SPOCK3: variants seen among roughly 807,000 people sequenced by gnomAD.
SPOCK3 encodes SPARC (osteonectin), cwcv and kazal like domains proteoglycan 3, also known as testican-3.
Under a neutral mutation model 56.6 loss-of-function variants are expected in SPOCK3, and 30 were observed. That is an observed-to-expected ratio of 0.53 (90% CI 0.40 to 0.72). The LOEUF (loss-of-function observed/expected upper bound fraction) is 0.72, where lower values mean the gene tolerates loss of function less well. Among genes scored for constraint, SPOCK3 ranks in the 30% least tolerant of loss-of-function variants. The pLI, the probability that SPOCK3 is intolerant of heterozygous loss-of-function variation, is 0.00. For missense variants in SPOCK3, 527 were observed against 530.0 expected (o/e 0.99, Z 0.06); for synonymous variants, 196 against 183.3 (o/e 1.07, Z -0.56).
intron 10 of SPOCK3, 56 bp downstream of exon 10, chr4:166,737,411 T>G (rs1734322139): frequency 6.5e-7 from 1 of 1,547,086 alleles, no homozygotes; most frequent in African/African-American, 1.4e-5. Context: ...AATGAGGCTC[T>G]AAAGCACTTA....
chr4:167,112,421 A>G, intron 2 of SPOCK3, among the ~76,000 whole-genome samples: 1 of 152,052 alleles, frequency 6.6e-6, no homozygotes. Context: ...GGTTTAAGGG[A>G]TTTTGTCAGG....
chr4:166,950,682 G>C (rs1447231666), intron 4 of SPOCK3, among the ~76,000 whole-genome samples: 2 of 148,900 alleles, frequency 1.3e-5, no homozygotes, highest in South Asian at 2.1e-4. Flanking sequence ...CACATACTTG[G>C]AAGTAAAGCT....
intron 2 of SPOCK3, among the ~76,000 whole-genome samples, chr4:167,149,884 G>T (rs1191268816): frequency 6.6e-6 from 1 of 151,302 alleles, no homozygotes; most frequent in Non-Finnish European, 1.5e-5. Flanking sequence ...AAGTATAGAT[G>T]CAGAGATGTG....
intron 4 of SPOCK3, among the ~76,000 whole-genome samples, chr4:166,944,780 G>A (rs1741518918): frequency 6.6e-6 from 1 of 151,784 alleles, no homozygotes; most frequent in South Asian, 2.1e-4. Context: ...CTAGATTATG[G>A]TGGTATCTTC....
chr4:166,800,183 G>GAAA lies in SPOCK3; in HGVS notation c.590-7897_590-7895dup, dbSNP rs367811359. Among the ~76,000 whole-genome samples the GAAA allele has an allele frequency of 3.8e-3, 197 of 51,762 alleles. 14 individuals are homozygous for GAAA. The highest frequency in any genetic ancestry group is 0.014 in the African/African-American group (183 of 12,652). The allele number at this position is 51,762 out of a possible 152,430, so 34.0% of individuals were successfully genotyped here. On this transcript the variant is annotated intron_variant, in intron 6 of 10. Coordinates refer to ENST00000357545, the MANE Select transcript of SPOCK3 (RefSeq NM_001040159.2). The stretch of plus-strand genomic sequence containing the variant: ...GGCGACAGAGAGAGACTCCATCTCA[G>GAAA]AAAAAAAAAAAAAAAAAAAAAAATG...
chr4:166,888,245 CCA>C (rs1734409019), intron 6 of SPOCK3, among the ~76,000 whole-genome samples: 1 of 151,978 alleles, frequency 6.6e-6, no homozygotes, highest in South Asian at 2.1e-4. Flanking sequence ...ATTTGCATAT[CCA>C]TTCTTCACAT....
At chr4:166,841,807 T>C (rs1180955359) in intron 6 of SPOCK3, among the ~76,000 whole-genome samples, 2 of 152,234 alleles carry the variant, frequency 1.3e-5, no homozygotes, top group Non-Finnish European at 2.9e-5. Flanking sequence ...CATCAGTGAC[T>C]ATGATGAAAT....
intron 6 of SPOCK3, among the ~76,000 whole-genome samples, chr4:166,813,516 T>C (rs536951162): frequency 6.6e-6 from 1 of 151,964 alleles, no homozygotes; most frequent in Non-Finnish European, 1.5e-5. Flanking sequence ...CAGTGAGGAA[T>C]TATTATCAGA....
intron 2 of SPOCK3, among the ~76,000 whole-genome samples, chr4:167,172,941 A>T (rs1179627246): frequency 6.6e-6 from 1 of 152,186 alleles, no homozygotes; most frequent in Non-Finnish European, 1.5e-5. Flanking sequence ...TAGAAAATTG[A>T]TCACAGAAAT....
At chr4:166,770,795 G>A (rs894513259) in intron 7 of SPOCK3, among the ~76,000 whole-genome samples, 1 of 151,986 alleles carries the variant, frequency 6.6e-6, no homozygotes, top group South Asian at 2.1e-4. Context: ...TAGATATAAA[G>A]ATACAGACTG....
intron 3 of SPOCK3, among the ~76,000 whole-genome samples, chr4:167,017,735 TGA>T (rs1243780154): frequency 6.6e-6 from 1 of 152,106 alleles, no homozygotes; most frequent in African/African-American, 2.4e-5. Context: ...TGTGTGTGTG[TGA>T]GTGTGTGTAT....
intron 6 of SPOCK3, among the ~76,000 whole-genome samples, chr4:166,795,282 A>C (rs11944174): frequency 1.3e-5 from 2 of 151,982 alleles, no homozygotes; most frequent in African/African-American, 4.8e-5. Context: ...CTACCAAAAA[A>C]CCGTATATCA....
chr4:167,084,644 G>C (rs1758023833), intron 2 of SPOCK3, among the ~76,000 whole-genome samples: 1 of 152,068 alleles, frequency 6.6e-6, no homozygotes, highest in Non-Finnish European at 1.5e-5. Flanking sequence ...GAAGTGGGAA[G>C]TCTGGGAGGG....
chr4:166,890,117 C>A (rs1734618747), intron 5 of SPOCK3, among the ~76,000 whole-genome samples: 1 of 151,890 alleles, frequency 6.6e-6, no homozygotes, highest in Non-Finnish European at 1.5e-5. Context: ...GTTTATTTCA[C>A]TTGTTTTACA....
At chr4:166,899,293 T>A (rs35640823) in intron 5 of SPOCK3, among the ~76,000 whole-genome samples, 13,209 of 138,868 alleles carry the variant, frequency 0.095, 1,131 homozygotes, top group African/African-American at 0.12. Context: ...TATCTATCTA[T>A]CTATCTATGT....
In SPOCK3 at chr4:166,890,489, A is replaced by G. The variant is rs185199063; in HGVS notation, c.475-1245T>C. On this transcript the variant is annotated intron_variant, in intron 5 of 10. Transcript: ENST00000357545. Reference sequence around the variant, plus strand: ...AAAGCTGAATACTCTTAAACAATCAAAAATACTATGACACATGATATTTTC... The same window carrying G: ...AAAGCTGAATACTCTTAAACAATCAGAAATACTATGACACATGATATTTTC... Among the ~76,000 whole-genome samples, 211 of 152,084 alleles carry G rather than the reference A, an allele frequency of 1.4e-3. 1 individual carries two copies. The highest frequency in any genetic ancestry group is 4.9e-3 in the African/African-American group (204 of 41,532).
rs541119369 is a variant in SPOCK3 at position 166,868,899 on chromosome 4, T to C, written c.589+20231A>G. ...TTTTCTATGCTATGATGTACTAGCA[T>C]GATTTTATGTTTAGACATTAGTGGC... On this transcript the variant is annotated intron_variant, in intron 6 of 10. Transcript: ENST00000357545. 5.4e-4 allele frequency among the ~76,000 whole-genome samples: 83 copies of C among 152,294 alleles called. 1 individual carries two copies. Among genetic ancestry groups the C allele is most frequent in the African/African-American group, 1.7e-3 (71 of 41,586 alleles).
In SPOCK3 at chr4:167,000,415, T is replaced by C. The variant is rs760610683; in HGVS notation, c.284A>G (p.His95Arg). Reference sequence around the variant, plus strand: ...AGAATCTTGAGCAATGCATACTTTATGGCGACTACATTTCATCTTTAAGCA... The same window carrying C: ...AGAATCTTGAGCAATGCATACTTTACGGCGACTACATTTCATCTTTAAGCA... ...DPCLKMKCSRHKVCIAQDSQT... is the reference protein window; with the variant it reads ...DPCLKMKCSRRKVCIAQDSQT... Residue 95 changes from histidine (H) to arginine (R), a missense_variant, in exon 4 of 11, where the codon CAT becomes CGT. Coordinates refer to ENST00000357545, the MANE Select transcript of SPOCK3 (RefSeq NM_001040159.2). 3 of 1,609,392 alleles carry C rather than the reference T, an allele frequency of 1.9e-6. No homozygotes were observed. The highest frequency in any genetic ancestry group is 2.5e-6 in the Non-Finnish European group (3 of 1,177,456).
At chr4:166,830,097 C>T (rs890030692) in intron 6 of SPOCK3, among the ~76,000 whole-genome samples, 1 of 152,206 alleles carries the variant, frequency 6.6e-6, no homozygotes. Context: ...CTTCATTTTA[C>T]GTAAGATATC....
Sources: gnomAD v4.1 joint callset for allele counts (sites outside exome capture counted in the v4.1 genomes callset) on GRCh38, gnomAD v4.1.1 for gene constraint, MANE v1.5 for transcripts, NCBI Gene and HGNC (gene_info 2026-07-23, HGNC 2026-07-21) for gene names.